The following NME2 variants were observed in gnomAD, a reference collection of about 807,000 sequenced individuals.
The protein encoded by NME2 is nucleoside diphosphate kinase B.
A neutral mutation model predicts 17.8 loss-of-function variants in NME2; 18 were observed. The observed-to-expected ratio is 1.01, with a 90% confidence interval of 0.70 to 1.50. The LOEUF is 1.50. Among genes scored for constraint, NME2 ranks in the 40% most tolerant of loss-of-function variants. NME2 has a pLI of 0.00. For synonymous variants in NME2, 74 were observed against 71.4 expected, an observed-to-expected ratio of 1.04 and a Z score of -0.19; for missense variants, 161 against 195.6, an observed-to-expected ratio of 0.82 and a Z score of 1.05.
chr17:51,168,936 C>G (rs924982170), intron 3 of NME2, among the ~76,000 whole-genome samples: 2 of 152,028 alleles, frequency 1.3e-5, no homozygotes, highest in African/African-American at 4.8e-5. Context: ...GCACTCCAGC[C>G]TGGGCGACAG....
chr17:51,167,691 G>C (rs886910687), intron 2 of NME2, among the ~76,000 whole-genome samples: 2 of 152,106 alleles, frequency 1.3e-5, no homozygotes, highest in Non-Finnish European at 2.9e-5. Context: ...GTGTCTTTAC[G>C]ATTAGAACAG....
chr17:51,168,835 A>G (rs2050004985), intron 3 of NME2, among the ~76,000 whole-genome samples: 1 of 149,916 alleles, frequency 6.7e-6, no homozygotes, highest in African/African-American at 2.5e-5. Flanking sequence ...ACCTGAGGCC[A>G]GGAGTTAATC....
At chr17:51,168,470 A>G (rs1431007834) in intron 3 of NME2, 127 bp downstream of exon 3, 9 of 942,704 alleles carry the variant, frequency 9.5e-6, no homozygotes, top group Admixed American at 5.1e-5. Context: ...TAACTGAGCA[A>G]CTAGGAGCTT....
At chr17:51,168,764 G>T (rs2050002413) in intron 3 of NME2, among the ~76,000 whole-genome samples, 2 of 152,068 alleles carry the variant, frequency 1.3e-5, no homozygotes, top group Non-Finnish European at 2.9e-5. Context: ...AAATTTTCGG[G>T]CCAGGCTTGG....
rs561017058 is a variant in NME2 at position 51,168,986 on chromosome 17, CTGTT to C, written c.228+646_228+649del. Among the ~76,000 whole-genome samples, 29 of 152,188 alleles carry C rather than the reference CTGTT, an allele frequency of 1.9e-4. No homozygotes were observed. The South Asian group carries it at 5.6e-3, about 29-fold the overall frequency. On this transcript the variant is annotated intron_variant, in intron 3 of 4. Coordinates refer to ENST00000512737, the MANE Select transcript of NME2 (RefSeq NM_002512.4). ...AAAAAAAAATAATACTCAATTTCTT[CTGTT>C]TGACAAGTGTTTTAGACCTTAATGT...
chr17:51,170,046 GC>G lies in NME2; in HGVS notation c.339del (p.Arg114GlyfsTer10). 1 of 1,606,798 alleles carries G rather than the reference GC, an allele frequency of 6.2e-7. No individual in the cohort carries two copies. The highest frequency in any genetic ancestry group is 8.5e-7 in the Non-Finnish European group (1 of 1,176,892). On this transcript the variant is annotated frameshift_variant and splice_region_variant, in exon 4 of 5. Transcript: ENST00000512737. LOFTEE classifies it high-confidence loss of function. ...CGTGGGGACTTCTGCATTCAGGTTG[GC>G]AGGTAAGTCCGGGGACAGGAGGGTG... ...TIRGDFCIQVGRNIIHGSDSV... is the reference protein window; with the variant it reads ...TIRGDFCIQVXRNIIHGSDSV...
rs1009870667 is a variant in NME2, at chr17:51,166,867, C to T, written c.37C>T (p.Pro13Ser). The T allele has an allele frequency of 5.0e-6, 8 of 1,613,534 alleles. No homozygotes were observed. The highest frequency in any genetic ancestry group is 3.3e-5 in the Admixed American group (2 of 59,988). Reference protein sequence around the residue: ...NLERTFIAIKPDGVQRGLVGE... With the variant: ...NLERTFIAIKSDGVQRGLVGE... ...GGAGCGCACCTTCATCGCCATCAAG[C>T]CGGACGGCGTGCAGCGCGGCCTGGT... Residue 13 changes from proline to serine, a missense_variant, in exon 2 of 5, where the codon CCG (proline) becomes TCG (serine). Pro to Ser is a moderately conservative substitution (Grantham distance 74). Transcript: ENST00000512737.
intron 4 of NME2, among the ~76,000 whole-genome samples, chr17:51,171,239 C>T (rs1489558043): frequency 6.6e-6 from 1 of 152,078 alleles, no homozygotes; most frequent in Admixed American, 6.5e-5. Flanking sequence ...TCTTGGGGTA[C>T]AAGCACTCTT....
chr17:51,168,025 A>G (rs1274561888), intron 2 of NME2: 1 of 312,810 alleles, frequency 3.2e-6, no homozygotes, highest in Non-Finnish European at 5.9e-6. Context: ...CAAAAAAAGA[A>G]CAGTCTTTCT....
At chr17:51,167,286 G>A (rs1427687478) in intron 2 of NME2, 7 of 375,970 alleles carry the variant, frequency 1.9e-5, no homozygotes, top group Non-Finnish European at 3.0e-5. Context: ...CTGCCCACTC[G>A]GGTCCACCTA....
At chr17:51,170,214 T>A (rs1182048823) in intron 4 of NME2, among the ~76,000 whole-genome samples, 165 bp downstream of exon 4, 2 of 149,420 alleles carry the variant, frequency 1.3e-5, no homozygotes, top group Admixed American at 1.3e-4. Context: ...CCATCTCTGC[T>A]CACTGTAACC....
At chr17:51,166,759 C>T in intron 1 of NME2, 68 bp from the exon 2 acceptor site, 1 of 1,452,168 alleles carries the variant, frequency 6.9e-7, no homozygotes, top group Non-Finnish European at 9.0e-7. Flanking sequence ...ACCGGCGGCG[C>T]CCACGTGGCC....
Position 51,166,892 on chromosome 17 carries a change from T to G in NME2, c.62T>G (p.Val21Gly). The change falls in exon 2 of 5, where the codon GTG becomes GGG. Residue 21 changes from valine (V) to glycine (G), a missense_variant. Coordinates refer to ENST00000512737, the MANE Select transcript of NME2 (RefSeq NM_002512.4). ...IKPDGVQRGL[V>G]GEIIKRFEQK... ...CCGGACGGCGTGCAGCGCGGCCTGG[T>G]GGGCGAGATCATCAAGCGCTTCGAG... The G allele has an allele frequency of 6.2e-7, 1 of 1,613,726 alleles. No homozygotes were observed. Among genetic ancestry groups the G allele is most frequent in the Non-Finnish European group, 8.5e-7 (1 of 1,179,822 alleles).
Position 51,171,677 on chromosome 17 carries a change from CT to C in NME2, c.*75del. 8.9e-7 allele frequency: 1 copy of C among 1,126,670 alleles called. No homozygotes were observed. The highest frequency in any genetic ancestry group is 1.3e-6 in the Non-Finnish European group (1 of 757,102). 69.8% of individuals were successfully genotyped at this position (1,126,670 alleles called of 1,614,324 possible). On this transcript the variant is annotated 3_prime_UTR_variant, in exon 5 of 5. Coordinates refer to ENST00000512737, the MANE Select transcript of NME2 (RefSeq NM_002512.4). ...TGGACACAGCTCTTCATTCCATTGA[CT>C]TAGAGGCAACAGGATTGATCATTCT...
chr17:51,168,540 G>A (rs3744660), intron 3 of NME2, among the ~76,000 whole-genome samples, 197 bp downstream of exon 3: 23,783 of 152,162 alleles, frequency 0.16, 1,945 homozygotes, highest in East Asian at 0.19. Flanking sequence ...GTGTGGTGGT[G>A]CACGGCTGTA....
At chr17:51,167,198 C>T in intron 2 of NME2, 1 of 848,918 alleles carries the variant, frequency 1.2e-6, no homozygotes. Flanking sequence ...GGGTTCCTTC[C>T]CGCGGGCCGC....
At chr17:51,167,688 T>C (rs2049977178) in intron 2 of NME2, among the ~76,000 whole-genome samples, 1 of 152,200 alleles carries the variant, frequency 6.6e-6, no homozygotes, top group Admixed American at 6.5e-5. Flanking sequence ...AGGGTGTCTT[T>C]ACGATTAGAA....
At chr17:51,167,675 A>G (rs532761518) in intron 2 of NME2, among the ~76,000 whole-genome samples, 1 of 152,288 alleles carries the variant, frequency 6.6e-6, no homozygotes, top group African/African-American at 2.4e-5. Context: ...CATTGACGGT[A>G]TGAGGGTGTC....
At chr17:51,167,115 C>T (rs2049961022) in intron 2 of NME2, 159 bp downstream of exon 2, 1 of 1,470,304 alleles carries the variant, frequency 6.8e-7, no homozygotes, top group Admixed American at 2.3e-5. Context: ...CCCGCCGACC[C>T]TTTCCCGGGG....
Sources: allele counts gnomAD v4.1 joint callset (sites outside exome capture counted in the v4.1 genomes callset), GRCh38; gene constraint gnomAD v4.1.1; transcripts MANE v1.5; gene names NCBI Gene and HGNC (gene_info 2026-07-23, HGNC 2026-07-21).